The following ADAM12 variants were observed in gnomAD, a reference collection of about 807,000 sequenced individuals.
ADAM12 encodes disintegrin and metalloproteinase domain-containing protein 12.
In ADAM12, 70 loss-of-function variants were observed where a neutral mutation model predicts 106.4. The ratio of observed to expected loss-of-function variants is 0.66; its 90% CI spans 0.54 to 0.80. The LOEUF is 0.80. Ranked by LOEUF, ADAM12 falls within the 30% of genes least tolerant of loss-of-function variation. The probability of loss-of-function intolerance (pLI) is 0.00; values close to 1 mark genes in which losing one functional copy is unlikely to be tolerated. For synonymous variants in ADAM12, 420 were observed against 433.5 expected, an observed-to-expected ratio of 0.97 and a Z score of 0.39; for missense variants, 1,010 against 1,171.9, an observed-to-expected ratio of 0.86 and a Z score of 2.02.
chr10:126,334,343 T>C (rs1463210353), intron 1 of ADAM12, among the ~76,000 whole-genome samples: 1 of 152,156 alleles, frequency 6.6e-6, no homozygotes, highest in Non-Finnish European at 1.5e-5. Flanking sequence ...AAATAAGAAA[T>C]GTGGATAGAT....
intron 1 of ADAM12, among the ~76,000 whole-genome samples, chr10:126,378,532 G>C (rs1030088515): frequency 6.6e-5 from 10 of 152,162 alleles, no homozygotes; most frequent in African/African-American, 2.4e-4. Context: ...TTACTTAACA[G>C]TTAAATACAT....
intron 2 of ADAM12, among the ~76,000 whole-genome samples, chr10:126,328,976 G>T (rs1394133987): frequency 2.0e-5 from 3 of 152,226 alleles, no homozygotes; most frequent in East Asian, 3.9e-4. Context: ...GAAGCTGGGG[G>T]TCACAAACCA....
At chr10:126,149,089 C>T (rs7094163) in intron 4 of ADAM12, among the ~76,000 whole-genome samples, 30,140 of 152,082 alleles carry the variant, frequency 0.2, 3,407 homozygotes, top group Non-Finnish European at 0.26. Flanking sequence ...TGGGGAGGAC[C>T]GGGGGAAGAC....
intron 1 of ADAM12, among the ~76,000 whole-genome samples, chr10:126,343,962 T>G (rs1273237466): frequency 7.2e-5 from 11 of 152,232 alleles, no homozygotes; most frequent in Non-Finnish European, 1.5e-5. Context: ...TTTCTCCCAT[T>G]ATGTAGATTG....
At chr10:126,324,704 A>G (rs1854229733) in intron 2 of ADAM12, among the ~76,000 whole-genome samples, 1 of 152,190 alleles carries the variant, frequency 6.6e-6, no homozygotes. Context: ...AAGGAAGATG[A>G]CAACCTTATC....
chr10:126,319,368 C>T (rs570809965), intron 2 of ADAM12, among the ~76,000 whole-genome samples: 3 of 152,250 alleles, frequency 2.0e-5, no homozygotes, highest in African/African-American at 7.2e-5. Flanking sequence ...GAAGCACCTA[C>T]AGATAAGACA....
rs536239500 is a variant in ADAM12 at position 126,066,010 on chromosome 10, G to A, written c.1413+707C>T. 1.3e-5 allele frequency among the ~76,000 whole-genome samples: 2 copies of A among 152,144 alleles called. No homozygotes were observed. The highest frequency in any genetic ancestry group is 2.4e-5 in the African/African-American group (1 of 41,428). On this transcript the variant is annotated intron_variant, in intron 13 of 22. Coordinates refer to ENST00000448723, the MANE Select transcript of ADAM12 (RefSeq NM_001288973.2). This position sits in a 1 kb window ranked among gnomAD's most constrained non-coding sequence, Gnocchi z 5.1. ...TGTTATAATGCACTTCTAAATCACC[G>A]TGCTCACGTGGGGCAGCTAAGAGGG...
chr10:126,378,401 C>G (rs1428553609), intron 1 of ADAM12, among the ~76,000 whole-genome samples: 1 of 152,112 alleles, frequency 6.6e-6, no homozygotes, highest in African/African-American at 2.4e-5. Context: ...GAGGAGTACA[C>G]AAATTATGAT....
intron 6 of ADAM12, among the ~76,000 whole-genome samples, chr10:126,111,725 G>C (rs781053857): frequency 6.6e-6 from 1 of 152,166 alleles, no homozygotes; most frequent in Non-Finnish European, 1.5e-5. Flanking sequence ...TTTCAGAGAA[G>C]TCTACATTTT....
chr10:126,268,068 C>T (rs537444173), intron 3 of ADAM12, among the ~76,000 whole-genome samples: 1 of 152,248 alleles, frequency 6.6e-6, no homozygotes, highest in Admixed American at 6.5e-5. Flanking sequence ...CATCCATCTC[C>T]ATAAGTCTTT....
At chr10:126,135,354 T>C in intron 5 of ADAM12, 1 of 517,350 alleles carries the variant, frequency 1.9e-6, no homozygotes, top group South Asian at 3.3e-5. Flanking sequence ...CCACCAGGCC[T>C]GAGGATGGCA....
intron 11 of ADAM12, among the ~76,000 whole-genome samples, chr10:126,093,006 T>A (rs78594312): frequency 0.097 from 14,724 of 152,222 alleles, 794 homozygotes; most frequent in South Asian, 0.18. Flanking sequence ...ACCACGCTTG[T>A]CCCCTGGCCA....
At chr10:126,336,604 C>T (rs775315830) in intron 1 of ADAM12, among the ~76,000 whole-genome samples, 13 of 152,260 alleles carry the variant, frequency 8.5e-5, no homozygotes, top group East Asian at 7.7e-4. Context: ...AACACAGAAA[C>T]GGCAAGTTGA....
intron 16 of ADAM12, among the ~76,000 whole-genome samples, chr10:126,048,835 C>G (rs1348500458): frequency 6.6e-6 from 1 of 152,092 alleles, no homozygotes; most frequent in Non-Finnish European, 1.5e-5. Context: ...ACTCCTTTCC[C>G]TCTCCTATTC....
Position 126,049,710 on chromosome 10 carries a change from G to A in ADAM12, c.1610-41C>T. ...AACTGCATTTTCATCTCCTGCAGGT[G>A]ATTTTTTTTTTTTCATGGCTGTAGG... On this transcript the variant is annotated intron_variant, in intron 14 of 22. Transcript: ENST00000448723. This position sits in a 1 kb window ranked among gnomAD's most constrained non-coding sequence, Gnocchi z 4.4. 1 of 1,546,602 alleles carries A rather than the reference G, an allele frequency of 6.5e-7. No individual in the cohort carries two copies. The highest frequency in any genetic ancestry group is 8.8e-7 in the Non-Finnish European group (1 of 1,139,096).
chr10:126,211,929 C>T (rs1404367320), intron 3 of ADAM12, among the ~76,000 whole-genome samples: 1 of 152,336 alleles, frequency 6.6e-6, no homozygotes, highest in East Asian at 1.9e-4. Flanking sequence ...TTACTTGAAA[C>T]AAATCTGTCC....
chr10:126,349,724 C>A (rs963110831), intron 1 of ADAM12, among the ~76,000 whole-genome samples: 6 of 152,166 alleles, frequency 3.9e-5, no homozygotes, highest in Admixed American at 6.5e-5. Context: ...TTTCAACGTC[C>A]CTTACAGCCT....
At chr10:126,282,419 A>G (rs1319459871) in intron 2 of ADAM12, among the ~76,000 whole-genome samples, 1 of 152,180 alleles carries the variant, frequency 6.6e-6, no homozygotes, top group East Asian at 1.9e-4. Context: ...CATTTCCCTT[A>G]TTCCCAACCA....
chr10:126,303,083 C>T (rs968123756), intron 2 of ADAM12, among the ~76,000 whole-genome samples: 8 of 152,152 alleles, frequency 5.3e-5, no homozygotes, highest in Admixed American at 3.9e-4. Context: ...CTGATTTGAT[C>T]ATTTTTGATA....
Sources: allele counts gnomAD v4.1 joint callset (sites outside exome capture counted in the v4.1 genomes callset), GRCh38; gene constraint gnomAD v4.1.1; non-coding constraint Gnocchi (gnomAD v3.1); transcripts MANE v1.5; gene names NCBI Gene and HGNC (gene_info 2026-07-23, HGNC 2026-07-21).